Variants in RBFOX3 observed in about 807,000 individuals in gnomAD.
RBFOX3 encodes the protein RNA binding protein fox-1 homolog 3.
In RBFOX3, 17 loss-of-function variants were observed where a neutral mutation model predicts 48.7. The observed-to-expected ratio is 0.35, with a 90% confidence interval of 0.24 to 0.52. RBFOX3 has a LOEUF of 0.52. RBFOX3 is among the 20% of genes least tolerant of loss of function. The pLI is 0.94. For missense variants in RBFOX3, 382 were observed against 497.5 expected, an observed-to-expected ratio of 0.77 and a Z score of 2.21; for synonymous variants, 212 against 209.5, an observed-to-expected ratio of 1.01 and a Z score of -0.10.
intron 2 of RBFOX3, among the ~76,000 whole-genome samples, chr17:79,316,752 G>C (rs1471222279): frequency 6.6e-6 from 1 of 152,194 alleles, no homozygotes; most frequent in Non-Finnish European, 1.5e-5. Flanking sequence ...AGTTAAATTA[G>C]AAATTTCAGA....
intron 4 of RBFOX3, among the ~76,000 whole-genome samples, chr17:79,156,699 A>G (rs913746523): frequency 2.6e-5 from 4 of 152,142 alleles, no homozygotes; most frequent in Admixed American, 2.0e-4. Context: ...ATCACTGAGG[A>G]GTTGCAGCAG....
intron 2 of RBFOX3, among the ~76,000 whole-genome samples, chr17:79,350,093 C>T (rs1441614995): frequency 6.6e-6 from 1 of 152,218 alleles, no homozygotes; most frequent in African/African-American, 2.4e-5. Context: ...GACACTCAAG[C>T]CAGCCAATGG....
intron 4 of RBFOX3, among the ~76,000 whole-genome samples, chr17:79,129,938 A>T (rs1255428979): frequency 1.3e-5 from 2 of 152,124 alleles, no homozygotes; most frequent in Non-Finnish European, 2.9e-5. Flanking sequence ...AGGTCTAGGG[A>T]GGCCCAGGAA....
intron 2 of RBFOX3, among the ~76,000 whole-genome samples, chr17:79,350,873 C>G (rs2083802805): frequency 6.6e-6 from 1 of 152,242 alleles, no homozygotes; most frequent in Admixed American, 6.5e-5. Context: ...TTCCAGTGCC[C>G]TGGCTGTCAC....
chr17:79,412,772 T>C (rs2064660427), intron 2 of RBFOX3, among the ~76,000 whole-genome samples: 1 of 151,820 alleles, frequency 6.6e-6, no homozygotes, highest in Non-Finnish European at 1.5e-5. Flanking sequence ...TTGTGATGTC[T>C]GTGTGGTGTA....
chr17:79,336,864 A>G (rs1250851487), intron 2 of RBFOX3, among the ~76,000 whole-genome samples: 2 of 152,360 alleles, frequency 1.3e-5, no homozygotes, highest in Non-Finnish European at 2.9e-5. Flanking sequence ...TCACGCCTGT[A>G]ATCCCAGCAC....
At chr17:79,144,581 G>T (rs1299016728) in intron 4 of RBFOX3, among the ~76,000 whole-genome samples, 2 of 152,180 alleles carry the variant, frequency 1.3e-5, no homozygotes, top group African/African-American at 4.8e-5. Context: ...CAGGGCTCAT[G>T]CCGCAGACCT....
At chr17:79,434,234 C>T (rs57645822) in intron 2 of RBFOX3, among the ~76,000 whole-genome samples, 1,917 of 152,330 alleles carry the variant, frequency 0.013, 48 homozygotes, top group African/African-American at 0.043. Flanking sequence ...TTTTTTGCTG[C>T]TCTGCACAGG....
intron 4 of RBFOX3, among the ~76,000 whole-genome samples, chr17:79,170,580 C>T (rs1171015370): frequency 1.3e-5 from 2 of 152,084 alleles, no homozygotes; most frequent in African/African-American, 2.4e-5. Context: ...GGGACCCCTC[C>T]GTGGTGTGTC....
chr17:79,398,009 T>C (rs1355520955), intron 2 of RBFOX3, among the ~76,000 whole-genome samples: 1 of 152,058 alleles, frequency 6.6e-6, no homozygotes, highest in African/African-American at 2.4e-5. Flanking sequence ...CAGACAGCTT[T>C]AGGGTACAGA....
At chr17:79,454,146 T>C (rs541178206) in intron 2 of RBFOX3, among the ~76,000 whole-genome samples, 25 of 152,210 alleles carry the variant, frequency 1.6e-4, no homozygotes, top group African/African-American at 6.0e-4. Context: ...CATGCCAACC[T>C]GGCACCTCCT....
intron 3 of RBFOX3, among the ~76,000 whole-genome samples, chr17:79,268,277 T>G (rs942580502): frequency 6.6e-6 from 1 of 152,098 alleles, no homozygotes; most frequent in Non-Finnish European, 1.5e-5. Context: ...ACCGTCCCAG[T>G]GTTTCCCAGC....
intron 4 of RBFOX3, among the ~76,000 whole-genome samples, chr17:79,230,134 G>C (rs545442937): frequency 6.6e-6 from 1 of 152,338 alleles, no homozygotes; most frequent in East Asian, 1.9e-4. Context: ...GACACGCAGT[G>C]ATGATGAGGC....
In RBFOX3 at chr17:79,372,694, G is replaced by A. The variant is rs112600561; in HGVS notation, c.-174-64870C>T. On this transcript the variant is annotated intron_variant, in intron 2 of 14. Transcript: ENST00000693108. ...CCACAGGGGCAGGGCAGGGACAGAC[G>A]TGTGAGACACACCTGATTAACCCTT... is the stretch of plus-strand genomic sequence containing the variant. 9.3e-4 allele frequency among the ~76,000 whole-genome samples: 142 copies of A among 152,172 alleles called. 1 individual carries two copies. The highest frequency in any genetic ancestry group is 3.3e-3 in the African/African-American group (135 of 41,520).
intron 1 of RBFOX3, among the ~76,000 whole-genome samples, chr17:79,541,057 A>G (rs1266323642): frequency 6.6e-6 from 1 of 152,158 alleles, no homozygotes; most frequent in East Asian, 1.9e-4. Context: ...GTTACAACCC[A>G]CACTGATCTT....
rs2058514124 is a variant in RBFOX3, at chr17:79,212,522, C to T, written c.-34+23244G>A. On this transcript the variant is annotated intron_variant, in intron 4 of 14. Transcript: ENST00000693108. The surrounding 1 kb of genome is among the most constrained non-coding windows in gnomAD (Gnocchi z 4.7). ...CCCCCCAGTCCGCAACTCCTGACTC[C>T]TTATTCTGCACTTCCTTCCTTGTTC... 6.6e-6 allele frequency among the ~76,000 whole-genome samples: 1 copy of T among 152,234 alleles called. No individual in the cohort carries two copies. Among genetic ancestry groups the T allele is most frequent in the Non-Finnish European group, 1.5e-5 (1 of 68,046 alleles).
chr17:79,548,354 C>T (rs1391347717), intron 1 of RBFOX3, among the ~76,000 whole-genome samples: 1 of 152,210 alleles, frequency 6.6e-6, no homozygotes, highest in Non-Finnish European at 1.5e-5. Flanking sequence ...AACAGAAGGG[C>T]TGGCTTGCAT....
At chr17:79,641,563 A>G in the RBFOX3 span, among the ~76,000 whole-genome samples, 3 of 152,244 alleles carry the variant, frequency 2.0e-5, no homozygotes, top group Non-Finnish European at 2.9e-5. Context: ...TTAAGTGTCC[A>G]TCAGTAAATG....
intron 4 of RBFOX3, among the ~76,000 whole-genome samples, chr17:79,155,760 C>T (rs1336497464): frequency 6.6e-6 from 1 of 152,112 alleles, no homozygotes; most frequent in African/African-American, 2.4e-5. Flanking sequence ...GTGGGAGTCC[C>T]CAAGAGTGCC....
Sources: gnomAD v4.1 joint callset for allele counts (sites outside exome capture counted in the v4.1 genomes callset) on GRCh38, gnomAD v4.1.1 for gene constraint, Gnocchi (gnomAD v3.1) non-coding constraint, MANE v1.5 for transcripts, NCBI Gene and HGNC (gene_info 2026-07-23, HGNC 2026-07-21) for gene names.